Variants in TTN observed in about 807,000 individuals in gnomAD.
The protein encoded by TTN is connectin.
TTN carries 1,525 observed loss-of-function variants against 3,223.0 expected under a neutral mutation model. The observed-to-expected ratio is 0.47, with a 90% CI of 0.45 to 0.49. The LOEUF is 0.49. Ranked by LOEUF, TTN falls within the 20% of genes least tolerant of loss-of-function variation. TTN has a pLI of 0.00. For synonymous variants in TTN, 14,094 were observed against 15,161.0 expected (o/e 0.93, Z 5.17); for missense variants, 40,786 against 43,424.0 (o/e 0.94, Z 5.40).
Position 178,545,757 on chromosome 2 carries a change from C to T in TTN, c.95416+63G>A, listed in dbSNP as rs1185482475. 3.8e-6 allele frequency: 6 copies of T among 1,597,128 alleles called. No individual in the cohort carries two copies. The African/African-American group carries it at 8.0e-5, about 21-fold the overall frequency. On this transcript the variant is annotated intron_variant, in intron 343 of 362. Coordinates refer to ENST00000589042, the MANE Select transcript of TTN (RefSeq NM_001267550.2). ...TTACTATTGATAAGACTGCCCTTCTCCCTTCTCCCCCTGATTCTATTACAT... is the reference window on the plus strand; with the variant it reads ...TTACTATTGATAAGACTGCCCTTCTTCCTTCTCCCCCTGATTCTATTACAT...
chr2:178,739,019 T>C, intron 48 of TTN, 122 bp downstream of exon 48: 1 of 1,272,794 alleles, frequency 7.9e-7, no homozygotes, highest in East Asian at 2.6e-5. Flanking sequence ...GTGATTTCAT[T>C]CTTACTCTAA....
At position 178,593,450 on chromosome 2, in the gene TTN, T is replaced by C; in HGVS notation, c.58758A>G (p.Pro19586=). ...AGTCTTTGGTAACTTCTGTAACAAT[T>C]GGCTGATCAGGTGCATCAGGAACCC... ...RFRVPDAPDQ[P]IVTEVTKDSA... Residue 19586 remains proline, a synonymous_variant, in exon 299 of 363, where the codon CCA becomes CCG. Coordinates refer to ENST00000589042, the MANE Select transcript of TTN (RefSeq NM_001267550.2). 1 of 1,612,590 alleles carries C rather than the reference T, an allele frequency of 6.2e-7. No individual in the cohort carries two copies. The highest frequency in any genetic ancestry group is 8.5e-7 in the Non-Finnish European group (1 of 1,179,516).
At chr2:178,803,817 T>C (rs2094182899) in intron 2 of TTN, among the ~76,000 whole-genome samples, 3 of 152,010 alleles carry the variant, frequency 2.0e-5, no homozygotes. Flanking sequence ...TACTCTCCAT[T>C]TTTTCATAAG....
Position 178,677,221 on chromosome 2 carries a change from T to G in TTN, c.34358A>C (p.Glu11453Ala). The part of the protein sequence containing the change: ...KVPVPAPKKV[E>A]PPPPPKVPEI... ...TGTACCTTTGGGTGGTGGTGGAGGT[T>G]CCACTTTTTTAGGGGCGGGAACAGG... Residue 11453 changes from glutamate (E) to alanine (A), a missense_variant, in exon 147 of 363, where the codon GAA becomes GCA. Transcript: ENST00000589042. 8.2e-7 allele frequency: 1 copy of G among 1,224,210 alleles called. No homozygotes were observed. Among genetic ancestry groups the G allele is most frequent in the Non-Finnish European group, 1.0e-6 (1 of 983,388 alleles). 75.8% of individuals were successfully genotyped at this position (1,224,210 alleles called of 1,614,324 possible). A position where few individuals can be genotyped will look rare whatever the true frequency, so the allele number is the denominator to read the frequency against.
intron 147 of TTN, among the ~76,000 whole-genome samples, chr2:178,676,296 A>G (rs781739654): frequency 6.6e-6 from 1 of 151,916 alleles, no homozygotes; most frequent in Non-Finnish European, 1.5e-5. Context: ...CATTTCATAC[A>G]TTTAAATTTC....
At position 178,735,791 on chromosome 2, in the gene TTN, AATG is replaced by A. The variant is rs1560854031; in HGVS notation, c.14652_14654del (p.Ile4885del). 6 of 1,613,758 alleles carry A rather than the reference AATG, an allele frequency of 3.7e-6. No homozygotes were observed. In the Admixed American group the frequency reaches 1.0e-4, roughly 27 times the overall value. On this transcript the variant is annotated inframe_deletion, in exon 50 of 363. Transcript: ENST00000589042. ...ATTCTTTAATGAAATGTGGCTTATC[AATG>A]ATGATCAACTCTGCTTGGCAGATGT...
In TTN at chr2:178,542,470, C is replaced by A; in HGVS notation, c.97286G>T (p.Gly32429Val). ...ISWEPPELDG[G>V]APLSGYVVEQ... ...TACCACATAACCACTCAGTGGAGCA[C>A]CACCGTCCAATTCAGGTGGTTCCCA... The change falls in exon 349 of 363, where the codon GGT becomes GTT. Residue 32429 changes from glycine (G) to valine (V), a missense_variant. Coordinates refer to ENST00000589042, the MANE Select transcript of TTN (RefSeq NM_001267550.2). The A allele has an allele frequency of 6.2e-7, 1 of 1,613,636 alleles. No homozygotes were observed. Among genetic ancestry groups the A allele is most frequent in the Non-Finnish European group, 8.5e-7 (1 of 1,179,708 alleles).
chr2:178,772,178 C>T (rs925295131), intron 33 of TTN, among the ~76,000 whole-genome samples: 3 of 152,282 alleles, frequency 2.0e-5, no homozygotes, highest in Middle Eastern at 6.8e-3. Flanking sequence ...TGTTTCCACA[C>T]ATTTAAAACA....
In TTN at chr2:178,572,464, A is replaced by C; in HGVS notation, c.73668T>G (p.Val24556=). 1 of 1,612,554 alleles carries C rather than the reference A, an allele frequency of 6.2e-7. No individual in the cohort carries two copies. Among genetic ancestry groups the C allele is most frequent in the Non-Finnish European group, 8.5e-7 (1 of 1,178,938 alleles). Residue 24556 remains valine (V), a synonymous_variant, in exon 326 of 363, where the codon GTT becomes GTG. Transcript: ENST00000589042. ...DGGSKIKNYI[V]EKRESTRKAY... ...CTTTTCTTGTTGATTCCCGCTTTTCAACAATATAGTTCTTGATTTTTGAAC... is the reference window on the plus strand; with the variant it reads ...CTTTTCTTGTTGATTCCCGCTTTTCCACAATATAGTTCTTGATTTTTGAAC...
Position 178,593,265 on chromosome 2 carries a change from C to T in TTN, c.58943G>A (p.Cys19648Tyr), listed in dbSNP as rs2050636382. ...KFRVPDLLEGCQYEFRVSAEN... is the reference protein window; with the variant it reads ...KFRVPDLLEGYQYEFRVSAEN... Reference sequence around the variant, plus strand: ...TGCAGAAACCCGGAATTCATACTGACATCCTTCTAGAAGATCAGGAACCCT... The same window carrying T: ...TGCAGAAACCCGGAATTCATACTGATATCCTTCTAGAAGATCAGGAACCCT... The change falls in exon 299 of 363, where the codon TGT becomes TAT. Residue 19648 changes from cysteine to tyrosine, a missense_variant. Coordinates refer to ENST00000589042, the MANE Select transcript of TTN (RefSeq NM_001267550.2). 6.2e-7 allele frequency: 1 copy of T among 1,613,364 alleles called. No individual in the cohort carries two copies.
chr2:178,574,613 T>C lies in TTN; in HGVS notation c.71519A>G (p.Lys23840Arg). ...ATGCCAGCTAATTGTCATTGAATCCTTGGTAACTGCAGTTACCTGAGGGGT... is the reference window on the plus strand; with the variant it reads ...ATGCCAGCTAATTGTCATTGAATCCCTGGTAACTGCAGTTACCTGAGGGGT... Reference protein sequence around the residue: ...PGTPQVTAVTKDSMTISWHEP... With the variant: ...PGTPQVTAVTRDSMTISWHEP... The change falls in exon 326 of 363, where the codon AAG becomes AGG. Residue 23840 changes from lysine to arginine, a missense_variant. By Grantham distance (26) the Lys-to-Arg change is conservative. Coordinates refer to ENST00000589042, the MANE Select transcript of TTN (RefSeq NM_001267550.2). 1 of 1,613,354 alleles carries C rather than the reference T, an allele frequency of 6.2e-7. No homozygotes were observed. The highest frequency in any genetic ancestry group is 8.5e-7 in the Non-Finnish European group (1 of 1,179,518).
In TTN at chr2:178,531,947, C is replaced by G. The variant is rs1689303369; in HGVS notation, c.104668G>C (p.Val34890Leu). 1 of 1,613,542 alleles carries G rather than the reference C, an allele frequency of 6.2e-7. No homozygotes were observed. The highest frequency in any genetic ancestry group is 1.3e-5 in the African/African-American group (1 of 75,024). Residue 34890 changes from valine (V) to leucine (L), a missense_variant, in exon 358 of 363, where the codon GTG becomes CTG. Coordinates refer to ENST00000589042, the MANE Select transcript of TTN (RefSeq NM_001267550.2). ...CTCGAGAGTGATCTCTCACTAGACA[C>G]AGGGCTGGGGGATCGTGGGCGAGTT... ...ERTRPRSPSPVSSERSLSRFE... is the reference protein window; with the variant it reads ...ERTRPRSPSPLSSERSLSRFE...
In TTN at chr2:178,667,710, A is replaced by T. The variant is rs532057698; in HGVS notation, c.35557T>A (p.Ser11853Thr). Reference sequence around the variant, plus strand: ...TTTTCTTCTAGGACTGCTTCTTCAGATGCTTCATAAACTTTAAAGATATTA... The same window carrying T: ...TTTTCTTCTAGGACTGCTTCTTCAGTTGCTTCATAAACTTTAAAGATATTA... Reference protein sequence around the residue: ...EDTEMYIYEASEEAVLEEKVL... With the variant: ...EDTEMYIYEATEEAVLEEKVL... The change falls in exon 160 of 363, where the codon TCT becomes ACT. Residue 11853 changes from serine to threonine, a missense_variant. By Grantham distance (58) the Ser-to-Thr change is moderately conservative. Coordinates refer to ENST00000589042, the MANE Select transcript of TTN (RefSeq NM_001267550.2). 4.4e-6 allele frequency: 7 copies of T among 1,591,852 alleles called. No individual in the cohort carries two copies. The South Asian group carries it at 6.7e-5, about 15-fold the overall frequency.
At chr2:178,644,709 C>G in intron 217 of TTN, 93 bp from the exon 218 acceptor site, 1 of 971,842 alleles carries the variant, frequency 1.0e-6, no homozygotes, top group South Asian at 1.8e-5. Context: ...CCAAGCTTTG[C>G]TTATAACCAG....
rs1362749166 is a variant in TTN at position 178,781,215 on chromosome 2, A to G, written c.3429T>C (p.Ile1143=). The G allele has an allele frequency of 6.2e-7, 1 of 1,614,054 alleles. No homozygotes were observed. The highest frequency in any genetic ancestry group is 2.2e-5 in the East Asian group (1 of 44,848). The part of the protein sequence containing the change: ...NKQTGECKLV[I]SMTFADDAGE... ...CAGCATCATCAGCAAAAGTCATAGA[A>G]ATCACCAGCTTGCATTCACCGGTTT... The change falls in exon 21 of 363, where the codon ATT becomes ATC. Residue 1143 remains isoleucine (I), a synonymous_variant. Transcript: ENST00000589042.
Position 178,566,744 on chromosome 2 carries a change from G to C in TTN, c.79388C>G (p.Ala26463Gly). The part of the protein sequence containing the change: ...EDHEYEFRVS[A>G]ENAAGVGEPS... ...TTCCCCAACTCCAGCAGCATTTTCT[G>C]CAGAGACCCTGAATTCATACTCATG... is the stretch of plus-strand genomic sequence containing the variant. The change falls in exon 326 of 363, where the codon GCA (alanine) becomes GGA (glycine). Residue 26463 changes from alanine to glycine, a missense_variant. Transcript: ENST00000589042. The C allele has an allele frequency of 3.1e-6, 5 of 1,613,340 alleles. No homozygotes were observed. Among genetic ancestry groups the C allele is most frequent in the Non-Finnish European group, 4.2e-6 (5 of 1,179,676 alleles).
chr2:178,540,461 C>T (rs1028305778), intron 350 of TTN, 91 bp from the exon 351 acceptor site: 17 of 1,093,518 alleles, frequency 1.6e-5, no homozygotes, highest in Admixed American at 5.3e-5. Context: ...GTTGTTGAAA[C>T]GGACTGTTAA....
At chr2:178,804,414 A>G in intron 2 of TTN, 138 bp downstream of exon 2, 10 of 776,210 alleles carry the variant, frequency 1.3e-5, no homozygotes, top group Non-Finnish European at 1.8e-5. Flanking sequence ...TACCCTTAAA[A>G]TGACCTTTCC....
chr2:178,678,854 A>G (rs760171538), intron 142 of TTN, 24 bp from the exon 143 acceptor site: 1 of 1,563,442 alleles, frequency 6.4e-7, no homozygotes, highest in Non-Finnish European at 8.6e-7. Flanking sequence ...AAATAGAGTT[A>G]GTGTCACATT....
Sources: gnomAD v4.1 joint callset for allele counts (sites outside exome capture counted in the v4.1 genomes callset) on GRCh38, gnomAD v4.1.1 for gene constraint, MANE v1.5 for transcripts, NCBI Gene and HGNC (gene_info 2026-07-23, HGNC 2026-07-21) for gene names.